PTK6: variants seen among roughly 807,000 people sequenced by gnomAD.
PTK6 encodes protein-tyrosine kinase 6.
Under a neutral mutation model 47.5 loss-of-function variants are expected in PTK6, and 47 were observed. The observed-to-expected ratio is 0.99, with a 90% CI of 0.78 to 1.26. The LOEUF is 1.26. Ranked by LOEUF, PTK6 falls within the 50% of genes most tolerant of loss-of-function variation. The pLI is 0.00. For missense variants in PTK6, 618 were observed against 625.3 expected, an observed-to-expected ratio of 0.99 and a Z score of 0.12; for synonymous variants, 287 against 276.5, an observed-to-expected ratio of 1.04 and a Z score of -0.38.
chr20:63,533,822 G>A lies in PTK6; in HGVS notation c.517-118C>T. On this transcript the variant is annotated intron_variant, in intron 3 of 7. Coordinates refer to ENST00000542869, the MANE Select transcript of PTK6 (RefSeq NM_005975.4). The surrounding 1 kb of genome is among the most constrained non-coding windows in gnomAD (Gnocchi z 4.0). ...TTTAGGGCCACGATCAGCCTGGGTT[G>A]GGGGTTTCTGAGTGTCTGACACAAG... The A allele has an allele frequency of 7.2e-7, 1 of 1,398,322 alleles. No individual in the cohort carries two copies. Among genetic ancestry groups the A allele is most frequent in the South Asian group, 1.4e-5 (1 of 71,582 alleles). 86.6% of individuals were successfully genotyped at this position (1,398,322 alleles called of 1,614,324 possible). A position where few individuals can be genotyped will look rare whatever the true frequency, so the allele number is the denominator to read the frequency against.
Position 63,530,716 on chromosome 20 carries a change from G to C in PTK6, c.1014+30C>G. 6.2e-7 allele frequency: 1 copy of C among 1,608,486 alleles called. No homozygotes were observed. ...AGCCCTCCGGCCACGCCCCGGCCAC[G>C]ACCCCAGCCACGCCCTCTGAGGGCC... On this transcript the variant is annotated intron_variant, in intron 6 of 7. Transcript: ENST00000542869. The surrounding 1 kb of genome is among the most constrained non-coding windows in gnomAD (Gnocchi z 4.1).
rs1416463772 is a variant in PTK6 at position 63,530,364 on chromosome 20, C to T, written c.1015-133G>A. 3.3e-5 allele frequency: 39 copies of T among 1,189,730 alleles called. No individual in the cohort carries two copies. The highest frequency in any genetic ancestry group is 4.6e-5 in the Admixed American group (2 of 43,750). 73.7% of individuals were successfully genotyped at this position (1,189,730 alleles called of 1,614,324 possible). A position where few individuals can be genotyped will look rare whatever the true frequency, so the allele number is the denominator to read the frequency against. On this transcript the variant is annotated intron_variant, in intron 6 of 7. Coordinates refer to ENST00000542869, the MANE Select transcript of PTK6 (RefSeq NM_005975.4). This position sits in a 1 kb window ranked among gnomAD's most constrained non-coding sequence, Gnocchi z 4.1. ...CCCCACTGTCTGACCCACGCACGGC[C>T]GCTGCAGCTAAGGCCACACTGGGGC...
rs371338421 is a variant in PTK6 at position 63,535,037 on chromosome 20, G to A, written c.253C>T (p.Arg85Cys). The A allele has an allele frequency of 4.9e-5, 78 of 1,603,330 alleles. No individual in the cohort carries two copies. In the African/African-American group the frequency reaches 7.6e-4, roughly 16 times the overall value. The change falls in exon 2 of 8, where the codon CGC becomes TGC. Residue 85 changes from arginine (R) to cysteine (C), a missense_variant. Transcript: ENST00000542869. ...SEPWFFGCIS[R>C]SEAVRRLQAE... is the part of the protein sequence containing the mutation. Reference sequence around the variant, plus strand: ...TGCAGCCGACGCACAGCTTCCGAGCGGGAGATGCAGCCAAAGAACCACCTG... The same window carrying A: ...TGCAGCCGACGCACAGCTTCCGAGCAGGAGATGCAGCCAAAGAACCACCTG...
Position 63,532,507 on chromosome 20 carries a change from C to T in PTK6, c.832+19G>A, listed in dbSNP as rs758488699. ...TGCCCCCGCTGCCTCCAGCAAGAGCCCCGGCCCATGCCACTCACCGCGGAG... is the reference window on the plus strand; with the variant it reads ...TGCCCCCGCTGCCTCCAGCAAGAGCTCCGGCCCATGCCACTCACCGCGGAG... On this transcript the variant is annotated intron_variant, in intron 5 of 7. Transcript: ENST00000542869. 2.6e-5 allele frequency: 41 copies of T among 1,597,344 alleles called. 1 individual carries two copies. Among genetic ancestry groups the T allele is most frequent in the Non-Finnish European group, 3.5e-5 (41 of 1,168,024 alleles).
intron 2 of PTK6, 34 bp from the exon 3 acceptor site, chr20:63,534,349 C>G: frequency 6.4e-7 from 1 of 1,555,230 alleles, no homozygotes; most frequent in Non-Finnish European, 8.7e-7. Flanking sequence ...GTGGCCACCC[C>G]AACTCCGACG....
Position 63,530,672 on chromosome 20 carries a change from C to T in PTK6, c.1014+74G>A, listed in dbSNP as rs2082611103. The T allele has an allele frequency of 2.0e-6, 3 of 1,532,830 alleles. No individual in the cohort carries two copies. Among genetic ancestry groups the T allele is most frequent in the Non-Finnish European group, 2.7e-6 (3 of 1,125,886 alleles). 95.0% of individuals were successfully genotyped at this position (1,532,830 alleles called of 1,614,324 possible). Reference sequence around the variant, plus strand: ...CCTGCTCCCAGCCGAGTCCCCAGCTCCACACACAGGAAGCCCCCAGCCCTC... The same window carrying T: ...CCTGCTCCCAGCCGAGTCCCCAGCTTCACACACAGGAAGCCCCCAGCCCTC... On this transcript the variant is annotated intron_variant, in intron 6 of 7. Transcript: ENST00000542869. This position sits in a 1 kb window ranked among gnomAD's most constrained non-coding sequence, Gnocchi z 4.1.
In PTK6 at chr20:63,534,921, G is replaced by C. The variant is rs755420608; in HGVS notation, c.352+17C>G. On this transcript the variant is annotated intron_variant, in intron 2 of 7. Transcript: ENST00000542869. The stretch of plus-strand genomic sequence containing the variant: ...AGCCCCCGCAGGCAAGCACAGGCTC[G>C]GAGGCCGGGGCCGCACCCGACAGGA... 6 of 1,582,606 alleles carry C rather than the reference G, an allele frequency of 3.8e-6. No individual in the cohort carries two copies. Among genetic ancestry groups the C allele is most frequent in the East Asian group, 2.3e-5 (1 of 43,794 alleles).
chr20:63,534,059 C>A, intron 3 of PTK6, 93 bp downstream of exon 3: 1 of 1,427,644 alleles, frequency 7.0e-7, no homozygotes, highest in Non-Finnish European at 9.3e-7. Context: ...AGGACCCCTC[C>A]CATGCTGCCC....
chr20:63,533,707 G>C lies in PTK6; in HGVS notation c.517-3C>G, dbSNP rs1255308561. 1 of 1,610,752 alleles carries C rather than the reference G, an allele frequency of 6.2e-7. No individual in the cohort carries two copies. Among genetic ancestry groups the C allele is most frequent in the Admixed American group, 1.7e-5 (1 of 59,504 alleles). On this transcript the variant is annotated splice_region_variant and splice_polypyrimidine_tract_variant and intron_variant, in intron 3 of 7. Coordinates refer to ENST00000542869, the MANE Select transcript of PTK6 (RefSeq NM_005975.4). This position sits in a 1 kb window ranked among gnomAD's most constrained non-coding sequence, Gnocchi z 4.0. ...TGGGGCAGGGGCTCAGGCTCGTGCT[G>C]GAGGAAGAGTCGGGGACACAGGGCA...
Position 63,529,733 on chromosome 20 carries a change from A to C in PTK6, c.1169-10T>G, listed in dbSNP as rs1308167709. 1 of 1,535,428 alleles carries C rather than the reference A, an allele frequency of 6.5e-7. No individual in the cohort carries two copies. The highest frequency in any genetic ancestry group is 8.8e-7 in the Non-Finnish European group (1 of 1,142,736). On this transcript the variant is annotated splice_polypyrimidine_tract_variant and intron_variant, in intron 7 of 7. Transcript: ENST00000542869. The surrounding 1 kb of genome is among the most constrained non-coding windows in gnomAD (Gnocchi z 5.6). ...TCATGGTTGGACATGCCTGCGGCCG[A>C]CAGGGATGAGAAGAGCTGGGGCCCA...
intron 1 of PTK6, 76 bp from the exon 2 acceptor site, chr20:63,535,135 G>A: frequency 2.7e-6 from 4 of 1,486,092 alleles, no homozygotes; most frequent in Admixed American, 2.2e-5. Context: ...CAGCCTGCCC[G>A]CCTGGAACCC....
chr20:63,535,428 C>T lies in PTK6; in HGVS notation c.231-369G>A, dbSNP rs367983881. 5.3e-5 allele frequency among the ~76,000 whole-genome samples: 8 copies of T among 151,560 alleles called. No individual in the cohort carries two copies. In the East Asian group the frequency reaches 1.5e-3, roughly 29 times the overall value. Reference sequence around the variant, plus strand: ...CGCTCACACACACACAGTCACAAACCCCCACACATGCGCACAGTTCACCCG... The same window carrying T: ...CGCTCACACACACACAGTCACAAACTCCCACACATGCGCACAGTTCACCCG... On this transcript the variant is annotated intron_variant, in intron 1 of 7. Coordinates refer to ENST00000542869, the MANE Select transcript of PTK6 (RefSeq NM_005975.4).
At position 63,530,053 on chromosome 20, in the gene PTK6, C is replaced by G. The variant is rs1569009612; in HGVS notation, c.1168+25G>C. 2 of 1,612,208 alleles carry G rather than the reference C, an allele frequency of 1.2e-6. No homozygotes were observed. Among genetic ancestry groups the G allele is most frequent in the Non-Finnish European group, 1.7e-6 (2 of 1,179,252 alleles). On this transcript the variant is annotated intron_variant, in intron 7 of 7. Transcript: ENST00000542869. This position sits in a 1 kb window ranked among gnomAD's most constrained non-coding sequence, Gnocchi z 4.1. ...CCTCCCCCACTCTGCCTCTCATGCCCAGTCAGGGACAGTGGGGACAGTACC... is the reference window on the plus strand; with the variant it reads ...CCTCCCCCACTCTGCCTCTCATGCCGAGTCAGGGACAGTGGGGACAGTACC...
At chr20:63,532,417 G>A in intron 5 of PTK6, 109 bp downstream of exon 5, 1 of 1,370,986 alleles carries the variant, frequency 7.3e-7, no homozygotes, top group Non-Finnish European at 9.9e-7. Flanking sequence ...GTGTCTGTGT[G>A]TCTGTGTGTC....
Position 63,530,048 on chromosome 20 carries a change from A to C in PTK6, c.1168+30T>G, listed in dbSNP as rs946502752. 6.2e-7 allele frequency: 1 copy of C among 1,611,592 alleles called. No individual in the cohort carries two copies. Among genetic ancestry groups the C allele is most frequent in the Admixed American group, 1.7e-5 (1 of 59,990 alleles). On this transcript the variant is annotated intron_variant, in intron 7 of 7. Transcript: ENST00000542869. The surrounding 1 kb of genome is among the most constrained non-coding windows in gnomAD (Gnocchi z 4.1). ...CAGGACCTCCCCCACTCTGCCTCTC[A>C]TGCCCAGTCAGGGACAGTGGGGACA...
At position 63,530,829 on chromosome 20, in the gene PTK6, G is replaced by T. The variant is rs763787101; in HGVS notation, c.931C>A (p.Arg311=). The T allele has an allele frequency of 6.2e-7, 1 of 1,614,070 alleles. No individual in the cohort carries two copies. Among genetic ancestry groups the T allele is most frequent in the Non-Finnish European group, 8.5e-7 (1 of 1,179,976 alleles). Residue 311 remains arginine (R), a synonymous_variant, in exon 6 of 8, where the codon CGG becomes AGG. Transcript: ENST00000542869. This position sits in a 1 kb window ranked among gnomAD's most constrained non-coding sequence, Gnocchi z 4.1. ...AGGATGTTCCTGGCGGCCAGGTCCC[G>T]GTGGATGTAATTCTGCGACTCCAGG... is the stretch of plus-strand genomic sequence containing the variant. ...CYLESQNYIH[R]DLAARNILVG... is the part of the protein sequence containing the mutation.
Position 63,533,639 on chromosome 20 carries a change from G to A in PTK6, c.582C>T (p.Cys194=), listed in dbSNP as rs376344692. ...WERPREEFTL[C]RKLGSGYFGE... is the part of the protein sequence containing the mutation. ...CAAAGTAGCCGGACCCCAGCTTCCT[G>A]CAGAGCGTGAACTCCTCCCTCGGCC... Residue 194 remains cysteine (C), a synonymous_variant, in exon 4 of 8, where the codon TGC becomes TGT. Transcript: ENST00000542869. This position sits in a 1 kb window ranked among gnomAD's most constrained non-coding sequence, Gnocchi z 4.0. 41 of 1,613,968 alleles carry A rather than the reference G, an allele frequency of 2.5e-5. No homozygotes were observed. The highest frequency in any genetic ancestry group is 3.5e-5 in the Non-Finnish European group (41 of 1,179,996).
rs2082610490 is a variant in PTK6, at chr20:63,530,597, G to A, written c.1014+149C>T. 3 of 1,017,194 alleles carry A rather than the reference G, an allele frequency of 2.9e-6. No homozygotes were observed. The highest frequency in any genetic ancestry group is 4.2e-6 in the Non-Finnish European group (3 of 713,372). The allele number at this position is 1,017,194 out of a possible 1,614,324, so 63.0% of individuals were successfully genotyped here. A position where few individuals can be genotyped will look rare whatever the true frequency, so the allele number is the denominator to read the frequency against. ...ATGGGGGCCCCACCGGACTCACGGT[G>A]GCTTCCCACCTCCCTGCCCAGCCTG... On this transcript the variant is annotated intron_variant, in intron 6 of 7. Transcript: ENST00000542869. This position sits in a 1 kb window ranked among gnomAD's most constrained non-coding sequence, Gnocchi z 4.1.
In PTK6 at chr20:63,533,856, C is replaced by G. The variant is rs550178593; in HGVS notation, c.517-152G>C. 5 of 1,169,068 alleles carry G rather than the reference C, an allele frequency of 4.3e-6. No homozygotes were observed. Among genetic ancestry groups the G allele is most frequent in the Admixed American group, 2.8e-5 (1 of 35,092 alleles). 72.4% of individuals were successfully genotyped at this position (1,169,068 alleles called of 1,614,324 possible). On this transcript the variant is annotated intron_variant, in intron 3 of 7. Coordinates refer to ENST00000542869, the MANE Select transcript of PTK6 (RefSeq NM_005975.4). This position sits in a 1 kb window ranked among gnomAD's most constrained non-coding sequence, Gnocchi z 4.0. ...TGAGTGTCTGACACAAGGGTGGACT[C>G]TCCTGGGGGCTGCCCCCAGCCCAGC...
Sources: gnomAD v4.1 joint callset for allele counts (sites outside exome capture counted in the v4.1 genomes callset) on GRCh38, gnomAD v4.1.1 for gene constraint, Gnocchi (gnomAD v3.1) non-coding constraint, MANE v1.5 for transcripts, NCBI Gene and HGNC (gene_info 2026-07-23, HGNC 2026-07-21) for gene names.